Variants in NCAM2 observed in about 807,000 individuals in gnomAD.
NCAM2 encodes N-CAM-2.
A neutral mutation model predicts 98.1 loss-of-function variants in NCAM2; 30 were observed. That is an observed-to-expected ratio of 0.31 (90% CI 0.23 to 0.41). NCAM2 has a LOEUF of 0.41. NCAM2 is among the 10% of genes least tolerant of loss of function. NCAM2 has a pLI of 1.00. For synonymous variants in NCAM2, 368 were observed against 342.4 expected (o/e 1.07, Z -0.83); for missense variants, 867 against 1,005.8 (o/e 0.86, Z 1.87).
At chr21:21,473,321 T>A (rs1454412493) in intron 14 of NCAM2, among the ~76,000 whole-genome samples, 3 of 147,384 alleles carry the variant, frequency 2.0e-5, no homozygotes, top group Non-Finnish European at 4.5e-5. Flanking sequence ...TAAAAATATA[T>A]GCTTGTGTGT....
intron 1 of NCAM2, among the ~76,000 whole-genome samples, chr21:21,191,725 C>T (rs909097745): frequency 5.9e-5 from 9 of 152,188 alleles, no homozygotes; most frequent in Middle Eastern, 3.4e-3. Context: ...ATTCTACATC[C>T]TCAGTATTTA....
At chr21:21,003,281 A>T (rs919644706) in intron 1 of NCAM2, among the ~76,000 whole-genome samples, 1 of 152,166 alleles carries the variant, frequency 6.6e-6, no homozygotes, top group Non-Finnish European at 1.5e-5. Context: ...GAATTTTGAG[A>T]ATATTTATAA....
intron 1 of NCAM2, among the ~76,000 whole-genome samples, chr21:21,244,872 C>G (rs1355874881): frequency 1.4e-5 from 2 of 140,296 alleles, no homozygotes; most frequent in African/African-American, 5.2e-5. Flanking sequence ...AAAGGACATA[C>G]GGTATTACAG....
chr21:21,070,326 A>G (rs1413255181), intron 1 of NCAM2, among the ~76,000 whole-genome samples: 1 of 151,264 alleles, frequency 6.6e-6, no homozygotes, highest in African/African-American at 2.4e-5. Flanking sequence ...ATGGAAAATC[A>G]TGGCACAAAT....
At chr21:21,016,444 A>G (rs1468464753) in intron 1 of NCAM2, among the ~76,000 whole-genome samples, 1 of 152,180 alleles carries the variant, frequency 6.6e-6, no homozygotes, top group African/African-American at 2.4e-5. Context: ...ATTATCTTTT[A>G]TAAATGAGGT....
At chr21:21,004,830 T>C (rs1222914777) in intron 1 of NCAM2, among the ~76,000 whole-genome samples, 1 of 152,132 alleles carries the variant, frequency 6.6e-6, no homozygotes, top group Non-Finnish European at 1.5e-5. Context: ...ATAACTAAGA[T>C]TGTACTGCTT....
chr21:21,091,899 G>A (rs1296580155), intron 1 of NCAM2, among the ~76,000 whole-genome samples: 2 of 151,888 alleles, frequency 1.3e-5, no homozygotes, highest in East Asian at 1.9e-4. Flanking sequence ...TGTTCACAGC[G>A]ACATCTTGAA....
At chr21:21,411,044 A>ATG (rs1489511956) in intron 10 of NCAM2, among the ~76,000 whole-genome samples, 1 of 55,192 alleles carries the variant, frequency 1.8e-5, no homozygotes, top group Non-Finnish European at 3.4e-5. Flanking sequence ...ACACATATAT[A>ATG]TATGTGTGTG....
At chr21:21,514,472 C>CAAAA (rs56710788) in intron 16 of NCAM2, among the ~76,000 whole-genome samples, 2 of 127,668 alleles carry the variant, frequency 1.6e-5, no homozygotes, top group Non-Finnish European at 3.3e-5. Flanking sequence ...TCTCAAAAAA[C>CAAAA]AAAAAAAAAA....
chr21:21,422,298 C>T (rs2077127310), intron 11 of NCAM2, among the ~76,000 whole-genome samples: 2 of 152,070 alleles, frequency 1.3e-5, no homozygotes, highest in East Asian at 1.9e-4. Context: ...TGGAGACTCC[C>T]AAAGGTGGGA....
At chr21:21,116,813 C>T (rs1464657464) in intron 1 of NCAM2, among the ~76,000 whole-genome samples, 1 of 151,800 alleles carries the variant, frequency 6.6e-6, no homozygotes, top group Admixed American at 6.6e-5. Context: ...CGAGATCGTG[C>T]CACTGCACTC....
chr21:21,324,838 G>A (rs1351440692), intron 6 of NCAM2, among the ~76,000 whole-genome samples: 2 of 151,862 alleles, frequency 1.3e-5, no homozygotes, highest in Non-Finnish European at 2.9e-5. Flanking sequence ...ATATTCTAGT[G>A]TTATTGACAC....
At chr21:21,280,238 C>CT (rs1568877669) in intron 1 of NCAM2, among the ~76,000 whole-genome samples, 1 of 151,552 alleles carries the variant, frequency 6.6e-6, no homozygotes, top group African/African-American at 2.4e-5. Context: ...GGGCAAACAT[C>CT]TTTTTTTTAG....
chr21:21,041,421 G>A (rs1026242711), intron 1 of NCAM2, among the ~76,000 whole-genome samples: 1 of 152,170 alleles, frequency 6.6e-6, no homozygotes, highest in Non-Finnish European at 1.5e-5. Context: ...AAGGTGGGCA[G>A]ACAATTCTCT....
intron 5 of NCAM2, among the ~76,000 whole-genome samples, chr21:21,307,049 T>C (rs1467621473): frequency 1.0e-5 from 1 of 98,022 alleles, no homozygotes; most frequent in African/African-American, 4.1e-5. Context: ...TGGGTTTTTG[T>C]AGGATGTGTA....
At chr21:21,017,873 G>A (rs770507703) in intron 1 of NCAM2, among the ~76,000 whole-genome samples, 18 of 152,034 alleles carry the variant, frequency 1.2e-4, no homozygotes, top group Non-Finnish European at 2.9e-5. Flanking sequence ...ATATTTGTGT[G>A]TGTGTATATA....
At chr21:21,445,532 A>G (rs1052894711) in intron 12 of NCAM2, among the ~76,000 whole-genome samples, 2 of 152,142 alleles carry the variant, frequency 1.3e-5, no homozygotes, top group African/African-American at 4.8e-5. Context: ...TTGGATGCAT[A>G]TATATTTAGC....
intron 15 of NCAM2, among the ~76,000 whole-genome samples, chr21:21,493,091 C>T (rs971891251): frequency 1.3e-5 from 2 of 151,860 alleles, no homozygotes; most frequent in South Asian, 4.1e-4. Context: ...CTGTGACTCA[C>T]GGTCCTGTCA....
At chr21:21,205,857 G>A (rs2069418160) in intron 1 of NCAM2, among the ~76,000 whole-genome samples, 1 of 152,028 alleles carries the variant, frequency 6.6e-6, no homozygotes, top group African/African-American at 2.4e-5. Context: ...TTTTAGTGGT[G>A]CACTCACATG....
Sources: allele counts gnomAD v4.1 joint callset (sites outside exome capture counted in the v4.1 genomes callset), GRCh38; gene constraint gnomAD v4.1.1; transcripts MANE v1.5; gene names NCBI Gene and HGNC (gene_info 2026-07-23, HGNC 2026-07-21).